Variants in GDPD5 observed in about 807,000 individuals in gnomAD.
GDPD5 encodes glycerophosphodiester phosphodiesterase domain containing 5.
Under a neutral mutation model 75.1 loss-of-function variants are expected in GDPD5, and 48 were observed. That is an observed-to-expected ratio of 0.64 (90% CI 0.51 to 0.81). The LOEUF (loss-of-function observed/expected upper bound fraction) is 0.81. Ranked by LOEUF, GDPD5 falls within the 40% of genes least tolerant of loss-of-function variation. The pLI, the probability that GDPD5 is intolerant of heterozygous loss-of-function variation, is 0.00. For missense variants in GDPD5, 706 were observed against 822.6 expected (o/e 0.86, Z 1.73); for synonymous variants, 336 against 339.0 (o/e 0.99, Z 0.10).
At chr11:75,481,406 C>T (rs991860701) in intron 2 of GDPD5, among the ~76,000 whole-genome samples, 4 of 152,194 alleles carry the variant, frequency 2.6e-5, no homozygotes, top group Non-Finnish European at 5.9e-5. Context: ...TACTGAATGA[C>T]CCAGAGTCTC....
intron 1 of GDPD5, among the ~76,000 whole-genome samples, chr11:75,509,945 G>T (rs559442612): frequency 6.6e-6 from 1 of 152,350 alleles, no homozygotes; most frequent in East Asian, 1.9e-4. Flanking sequence ...CTCCCAAAGT[G>T]TTGGGATTAT....
intron 2 of GDPD5, among the ~76,000 whole-genome samples, chr11:75,478,293 G>A (rs561323203): frequency 1.3e-5 from 2 of 152,156 alleles, no homozygotes; most frequent in Admixed American, 6.5e-5. Context: ...GGGATTACAG[G>A]TGCCCACCAC....
chr11:75,446,391 C>T (rs190150716), intron 9 of GDPD5, among the ~76,000 whole-genome samples: 3 of 152,084 alleles, frequency 2.0e-5, no homozygotes, highest in Non-Finnish European at 4.4e-5. Context: ...ATTCTTAGTC[C>T]CCGTCTCAGA....
In GDPD5 at chr11:75,525,293, A is replaced by T. The variant is rs1243860905; in HGVS notation, c.-228T>A. The T allele has an allele frequency of 6.6e-6, 1 of 152,244 alleles. No individual in the cohort carries two copies. The highest frequency in any genetic ancestry group is 1.9e-4 in the East Asian group (1 of 5,176). 9.4% of individuals were successfully genotyped at this position (152,244 alleles called of 1,614,324 possible). On this transcript the variant is annotated 5_prime_UTR_variant, in exon 1 of 17. Coordinates refer to ENST00000336898, the MANE Select transcript of GDPD5 (RefSeq NM_030792.8). Reference sequence around the variant, plus strand: ...GGGCAGGCGCTGAACCCCTCACCTGAGGCGGGACGAAGGTGACAGCCTGGG... The same window carrying T: ...GGGCAGGCGCTGAACCCCTCACCTGTGGCGGGACGAAGGTGACAGCCTGGG...
At chr11:75,514,021 G>A (rs768601798) in intron 1 of GDPD5, among the ~76,000 whole-genome samples, 26 of 152,212 alleles carry the variant, frequency 1.7e-4, no homozygotes, top group African/African-American at 6.3e-4. Context: ...GGATGAAAGC[G>A]GATCTCATGT....
chr11:75,468,633 G>A (rs1949579993), intron 3 of GDPD5, among the ~76,000 whole-genome samples: 2 of 152,170 alleles, frequency 1.3e-5, no homozygotes, highest in African/African-American at 4.8e-5. Flanking sequence ...CACGGCATCT[G>A]GTGAGGCTGA....
intron 3 of GDPD5, among the ~76,000 whole-genome samples, chr11:75,465,240 A>C (rs1949491347): frequency 6.6e-6 from 1 of 152,236 alleles, no homozygotes; most frequent in Non-Finnish European, 1.5e-5. Context: ...CCCCATGCAC[A>C]GAATTACATA....
intron 3 of GDPD5, among the ~76,000 whole-genome samples, chr11:75,473,128 GGCAGAGGA>G (rs1949704876): frequency 6.6e-6 from 1 of 151,666 alleles, no homozygotes; most frequent in African/African-American, 2.4e-5. Flanking sequence ...GAGGGGAAGG[GGCAGAGGA>G]GCTGGGGATG....
At chr11:75,441,582 G>C in intron 13 of GDPD5, 64 bp downstream of exon 13, 1 of 1,421,696 alleles carries the variant, frequency 7.0e-7, no homozygotes, top group Non-Finnish European at 9.4e-7. Context: ...GGGGGTGGTG[G>C]TGGCAGGACT....
At chr11:75,448,889 TACCA>T in intron 9 of GDPD5, 84 bp downstream of exon 9, 1 of 1,393,116 alleles carries the variant, frequency 7.2e-7, no homozygotes, top group Non-Finnish European at 9.5e-7. Context: ...AAATGGTTGC[TACCA>T]TTACATATAT....
chr11:75,436,254 A>G (rs1948622094), intron 16 of GDPD5, among the ~76,000 whole-genome samples: 2 of 152,172 alleles, frequency 1.3e-5, no homozygotes, highest in Non-Finnish European at 2.9e-5. Context: ...GTTCGGCCAT[A>G]TAGAGGGACA....
Position 75,449,909 on chromosome 11 carries a change from C to T in GDPD5, c.450G>A (p.Trp150Ter), listed in dbSNP as rs1404022111. The T allele has an allele frequency of 6.2e-7, 1 of 1,613,812 alleles. No homozygotes were observed. The highest frequency in any genetic ancestry group is 1.3e-5 in the African/African-American group (1 of 75,052). The change falls in exon 7 of 17, where the codon TGG becomes TGA. Residue 150 changes from tryptophan (W) to a stop codon, truncating the protein, a stop_gained. Transcript: ENST00000336898. LOFTEE classifies it high-confidence loss of function. ...CCTGCAGGGAGATCAGCAGCACCTC[C>T]CACTCGTCCTCCCACAGCTGGGCCA... ...SAVAQLWEDE[W>*]EVLLISLQGT...
At chr11:75,450,078 C>T (rs1284003922) in intron 6 of GDPD5, 95 bp from the exon 7 acceptor site, 3 of 976,952 alleles carry the variant, frequency 3.1e-6, no homozygotes, top group African/African-American at 1.6e-5. Flanking sequence ...ACAGAGAGGG[C>T]AGGAGAGGCC....
intron 3 of GDPD5, among the ~76,000 whole-genome samples, chr11:75,468,166 C>T (rs1220084857): frequency 2.0e-5 from 3 of 152,200 alleles, no homozygotes; most frequent in African/African-American, 4.8e-5. Context: ...ACACAGCTGC[C>T]CCTCCCACTA....
chr11:75,444,454 G>C lies in GDPD5; in HGVS notation c.756C>G (p.Leu252=). ...EHTLMSFRKA[L]EQKLYGLQAD... The stretch of plus-strand genomic sequence containing the variant: ...CCTGGAGCCCGTACAGCTTCTGCTC[G>C]AGGGCCTTCCGGAAGGACATGAGCG... Residue 252 remains leucine (L), a synonymous_variant, in exon 10 of 17, where the codon CTC becomes CTG. Coordinates refer to ENST00000336898, the MANE Select transcript of GDPD5 (RefSeq NM_030792.8). The C allele has an allele frequency of 1.2e-6, 2 of 1,613,840 alleles. No individual in the cohort carries two copies. The highest frequency in any genetic ancestry group is 1.3e-5 in the African/African-American group (1 of 75,052).
intron 3 of GDPD5, among the ~76,000 whole-genome samples, chr11:75,467,249 G>A (rs902019687): frequency 6.6e-6 from 1 of 152,182 alleles, no homozygotes; most frequent in Non-Finnish European, 1.5e-5. Context: ...CGTTGTAAAT[G>A]GGAATAACAG....
At chr11:75,496,812 G>A (rs1472967405) in intron 1 of GDPD5, among the ~76,000 whole-genome samples, 3 of 123,858 alleles carry the variant, frequency 2.4e-5, no homozygotes, top group African/African-American at 9.6e-5. Context: ...ACGGAGTCTC[G>A]CTCTGTTATT....
At position 75,437,027 on chromosome 11, in the gene GDPD5, C is replaced by G. The variant is rs144938037; in HGVS notation, c.1578G>C (p.Arg526=). 2 of 1,613,306 alleles carry G rather than the reference C, an allele frequency of 1.2e-6. No homozygotes were observed. The highest frequency in any genetic ancestry group is 4.5e-5 in the East Asian group (2 of 44,882). ...VLQKWRLGGI[R]SYNPEQIMLS... ...GCATGATCTGCTCAGGGTTGTAGCT[C>G]CGTATGCCACCCAGGCGCCACCTGC... The change falls in exon 16 of 17, where the codon CGG becomes CGC. Residue 526 remains arginine, a synonymous_variant. Transcript: ENST00000336898.
intron 13 of GDPD5, 101 bp downstream of exon 13, chr11:75,441,545 T>C (rs1592058462): frequency 3.9e-4 from 33 of 84,660 alleles, no homozygotes; most frequent in Non-Finnish European, 8.2e-4. Flanking sequence ...TGCCCGACCG[T>C]GTGTGTGTGT....
Sources: gnomAD v4.1 joint callset for allele counts (sites outside exome capture counted in the v4.1 genomes callset) on GRCh38, gnomAD v4.1.1 for gene constraint, MANE v1.5 for transcripts, NCBI Gene and HGNC (gene_info 2026-07-23, HGNC 2026-07-21) for gene names.